The following CSF2RA variants were observed in gnomAD, a reference collection of about 807,000 sequenced individuals.
CSF2RA encodes the protein colony stimulating factor 2 receptor subunit alpha.
In CSF2RA, 42 loss-of-function variants were observed where a neutral mutation model predicts 51.6. The ratio of observed to expected loss-of-function variants is 0.81; its 90% CI spans 0.64 to 1.05. The LOEUF (loss-of-function observed/expected upper bound fraction) is 1.05, where lower values mean the gene tolerates loss of function less well. Ranked by LOEUF, CSF2RA falls within the 50% of genes least tolerant of loss-of-function variation. CSF2RA has a pLI of 0.00. For missense variants in CSF2RA, 530 were observed against 501.1 expected (o/e 1.06, Z -0.55); for synonymous variants, 222 against 193.0 (o/e 1.15, Z -1.24).
chrX:1,322,243 C>T, the CSF2RA span, among the ~76,000 whole-genome samples: 5 of 150,412 alleles, frequency 3.3e-5, no homozygotes, highest in East Asian at 2.0e-4. Flanking sequence ...GTAGCTGGGA[C>T]GACAGGTGCC....
At chrX:1,299,760 A>G (rs2092246831) in intron 9 of CSF2RA, among the ~76,000 whole-genome samples, 1 of 152,122 alleles carries the variant, frequency 6.6e-6, no homozygotes, top group African/African-American at 2.4e-5. Context: ...TCTACTAAAA[A>G]TACAAAACGT....
the CSF2RA span, among the ~76,000 whole-genome samples, chrX:1,317,498 G>T: frequency 3.3e-5 from 5 of 150,626 alleles, no homozygotes; most frequent in Non-Finnish European, 7.4e-5. Context: ...TGATCTGCCC[G>T]CCTCGGCCTC....
chrX:1,307,222 A>G (rs1372934175), intron 12 of CSF2RA, among the ~76,000 whole-genome samples: 1 of 152,150 alleles, frequency 6.6e-6, no homozygotes, highest in East Asian at 1.9e-4. Flanking sequence ...GGGAGATGAA[A>G]TTTTTAAAAA....
At position 1,283,334 on chromosome X, in the gene CSF2RA, T is replaced by C. The variant is rs183624235; in HGVS notation, c.76+555T>C. ...CCTTCCCTCCTTCCCTTTCTCTCTTTCTTCCTTCCATTGTTTCCTTCTTTC... is the reference window on the plus strand; with the variant it reads ...CCTTCCCTCCTTCCCTTTCTCTCTTCCTTCCTTCCATTGTTTCCTTCTTTC... On this transcript the variant is annotated intron_variant, in intron 3 of 12. Coordinates refer to ENST00000381529, the MANE Select transcript of CSF2RA (RefSeq NM_172245.4). 2.6e-4 allele frequency among the ~76,000 whole-genome samples: 39 copies of C among 148,762 alleles called. No homozygotes were observed. The East Asian group carries it at 7.2e-3, about 28-fold the overall frequency.
intron 2 of CSF2RA, among the ~76,000 whole-genome samples, chrX:1,278,459 G>A (rs1263657927): frequency 7.2e-6 from 1 of 139,744 alleles, no homozygotes; most frequent in Non-Finnish European, 1.6e-5. Context: ...GCCCGAGGCA[G>A]GTGGATCACC....
intron 7 of CSF2RA, among the ~76,000 whole-genome samples, chrX:1,291,052 G>T (rs1176789007): frequency 2.0e-5 from 3 of 151,964 alleles, no homozygotes; most frequent in Non-Finnish European, 4.4e-5. Context: ...CTCCTTAGTA[G>T]CTTGGATTAC....
At chrX:1,301,595 C>CTT (rs777108928) in intron 10 of CSF2RA, among the ~76,000 whole-genome samples, 23 of 105,816 alleles carry the variant, frequency 2.2e-4, no homozygotes, top group South Asian at 3.2e-4. Flanking sequence ...CTCTTTTTTT[C>CTT]TTTTTTTTTT....
At chrX:1,304,911 C>T (rs1404883047) in intron 11 of CSF2RA, among the ~76,000 whole-genome samples, 2 of 150,050 alleles carry the variant, frequency 1.3e-5, no homozygotes, top group East Asian at 2.0e-4. Context: ...GTGATCCACC[C>T]GCCTTCGCCT....
chrX:1,319,615 C>T, the CSF2RA span, among the ~76,000 whole-genome samples: 1 of 149,496 alleles, frequency 6.7e-6, no homozygotes, highest in Non-Finnish European at 1.5e-5. Context: ...TGGAATCTCA[C>T]TATGTTACCC....
At position 1,309,461 on chromosome X, in the gene CSF2RA, C is replaced by A. The variant is rs747115277; in HGVS notation, c.1185C>A (p.Thr395=). 3.1e-6 allele frequency: 5 copies of A among 1,613,848 alleles called. No individual in the cohort carries two copies. The highest frequency in any genetic ancestry group is 4.2e-6 in the Non-Finnish European group (5 of 1,179,870). ...EGKGYREEVL[T]VKEIT is the part of the protein sequence containing the mutation. ...AAGGCTACCGCGAAGAGGTCTTGACCGTGAAGGAAATTACCTGAGACCCAG... is the reference window on the plus strand; with the variant it reads ...AAGGCTACCGCGAAGAGGTCTTGACAGTGAAGGAAATTACCTGAGACCCAG... Residue 395 remains threonine, a synonymous_variant, in exon 13 of 13, where the codon ACC becomes ACA. Coordinates refer to ENST00000381529, the MANE Select transcript of CSF2RA (RefSeq NM_172245.4).
At chrX:1,322,201 G>A in the CSF2RA span, among the ~76,000 whole-genome samples, 1 of 151,654 alleles carries the variant, frequency 6.6e-6, no homozygotes, top group Non-Finnish European at 1.5e-5. Flanking sequence ...CACCTCCCAG[G>A]TTCAAGTGAT....
At chrX:1,277,160 A>G (rs1322618777) in intron 2 of CSF2RA, among the ~76,000 whole-genome samples, 1 of 152,032 alleles carries the variant, frequency 6.6e-6, no homozygotes, top group African/African-American at 2.4e-5. Flanking sequence ...TGAAGAAATG[A>G]CAGAAAGCTT....
chrX:1,311,581 C>G (rs1358737863), downstream of CSF2RA, among the ~76,000 whole-genome samples: 1 of 151,948 alleles, frequency 6.6e-6, no homozygotes, highest in Non-Finnish European at 1.5e-5. Context: ...GTACAGGCGC[C>G]CGCCACCATT....
At chrX:1,281,182 T>TCC (rs775925752) in intron 2 of CSF2RA, among the ~76,000 whole-genome samples, 1 of 121,070 alleles carries the variant, frequency 8.3e-6, no homozygotes, top group African/African-American at 3.2e-5. Flanking sequence ...CTTCTCCTCC[T>TCC]TCTCCTTCTC....
At chrX:1,317,780 TCTCTC>T in the CSF2RA span, among the ~76,000 whole-genome samples, 1 of 151,692 alleles carries the variant, frequency 6.6e-6, no homozygotes. Context: ...GCTTGGATCT[TCTCTC>T]CTGGAGTGGG....
intron 7 of CSF2RA, among the ~76,000 whole-genome samples, chrX:1,291,676 C>A (rs1448786739): frequency 6.6e-6 from 1 of 152,098 alleles, no homozygotes; most frequent in Non-Finnish European, 1.5e-5. Context: ...GGAACCCCTG[C>A]CCCAGTGGGT....
chrX:1,280,385 C>T (rs1444930985), intron 2 of CSF2RA, among the ~76,000 whole-genome samples: 7 of 150,446 alleles, frequency 4.7e-5, no homozygotes, highest in Non-Finnish European at 7.4e-5. Context: ...GCAGGAGAAT[C>T]GCTTGAACCC....
chrX:1,312,431 C>T (rs1185888980), downstream of CSF2RA, among the ~76,000 whole-genome samples: 1 of 152,088 alleles, frequency 6.6e-6, no homozygotes, highest in Non-Finnish European at 1.5e-5. Context: ...AGGACGTGGA[C>T]ATCTTTGGGA....
the CSF2RA span, among the ~76,000 whole-genome samples, chrX:1,321,367 G>C: frequency 2.0e-5 from 3 of 152,164 alleles, no homozygotes; most frequent in African/African-American, 7.2e-5. Context: ...TACTCGGGAG[G>C]CTGAGGCAGG....
Sources: gnomAD v4.1 joint callset for allele counts (sites outside exome capture counted in the v4.1 genomes callset) on GRCh38, gnomAD v4.1.1 for gene constraint, MANE v1.5 for transcripts, NCBI Gene and HGNC (gene_info 2026-07-23, HGNC 2026-07-21) for gene names.